The following RAB4A variants were observed in gnomAD, a reference collection of about 807,000 sequenced individuals.
The protein encoded by RAB4A is RAB4A, member RAS oncogene family, also known as ras-related protein Rab-4A.
In RAB4A, 20 loss-of-function variants were observed where a neutral mutation model predicts 34.5. The observed-to-expected ratio is 0.58, with a 90% confidence interval of 0.41 to 0.84. The LOEUF (loss-of-function observed/expected upper bound fraction) is 0.84. Ranked by LOEUF, RAB4A falls within the 40% of genes least tolerant of loss-of-function variation. RAB4A has a pLI of 0.00. For synonymous variants in RAB4A, 102 were observed against 100.0 expected (o/e 1.02, Z -0.12); for missense variants, 228 against 274.5 (o/e 0.83, Z 1.20).
Position 229,302,257 on chromosome 1 carries a change from TTATATATATATATATATA to T in RAB4A, c.542-569_542-552del, listed in dbSNP as rs58013219. On this transcript the variant is annotated intron_variant, in intron 6 of 7. Coordinates refer to ENST00000366690, the MANE Select transcript of RAB4A (RefSeq NM_004578.4). ...TTATAAGTAATGTTACAGTAAATAA[TTATATATATATATATATA>T]TATATATATATATATATATATATAT... is the stretch of plus-strand genomic sequence containing the variant. 8.3e-4 allele frequency among the ~76,000 whole-genome samples: 37 copies of T among 44,328 alleles called. No homozygotes were observed. The East Asian group carries it at 0.012, about 15-fold the overall frequency. 29.1% of individuals were successfully genotyped at this position (44,328 alleles called of 152,430 possible).
At chr1:229,296,221 A>G (rs919084627) in intron 4 of RAB4A, among the ~76,000 whole-genome samples, 2 of 152,226 alleles carry the variant, frequency 1.3e-5, no homozygotes, top group African/African-American at 4.8e-5. Context: ...AGCTTTATGT[A>G]TGGAAAGTTA....
chr1:229,288,232 A>G (rs891682166), intron 2 of RAB4A, among the ~76,000 whole-genome samples: 3 of 151,744 alleles, frequency 2.0e-5, no homozygotes, highest in Non-Finnish European at 2.9e-5. Context: ...TCTTTGGTTC[A>G]ATTTTTTTCC....
intron 6 of RAB4A, among the ~76,000 whole-genome samples, chr1:229,302,309 A>ATATTTTTTTTT (rs1657431515): frequency 2.8e-5 from 1 of 35,900 alleles, no homozygotes; most frequent in African/African-American, 8.1e-5. Flanking sequence ...ATATATATAT[A>ATATTTTTTTTT]TTTTTTTTTT....
intron 1 of RAB4A, among the ~76,000 whole-genome samples, chr1:229,282,771 A>G (rs759412377): frequency 9.2e-5 from 14 of 152,026 alleles, no homozygotes; most frequent in African/African-American, 2.9e-4. Context: ...TAAAATTTCT[A>G]TTTGGTTCTT....
At chr1:229,288,206 T>G (rs1558237542) in intron 2 of RAB4A, among the ~76,000 whole-genome samples, 1 of 152,154 alleles carries the variant, frequency 6.6e-6, no homozygotes, top group Non-Finnish European at 1.5e-5. Flanking sequence ...TTTGGGGTTT[T>G]TTGGAGGGTG....
chr1:229,284,602 C>G (rs1656875488), intron 1 of RAB4A, among the ~76,000 whole-genome samples: 1 of 152,162 alleles, frequency 6.6e-6, no homozygotes, highest in Admixed American at 6.5e-5. Context: ...ATCAAGACAC[C>G]TAGTTTCTTT....
chr1:229,298,827 A>T (rs367618274), intron 5 of RAB4A, 150 bp from the exon 6 acceptor site: 9 of 624,650 alleles, frequency 1.4e-5, no homozygotes, highest in African/African-American at 5.7e-5. Context: ...ATAATGACAT[A>T]TATTGATTTT....
chr1:229,292,433 T>C (rs554210230), intron 3 of RAB4A, among the ~76,000 whole-genome samples: 1 of 152,276 alleles, frequency 6.6e-6, no homozygotes, highest in South Asian at 2.1e-4. Flanking sequence ...AGAAGCTAGG[T>C]GCCTGCTGAG....
At chr1:229,297,064 A>G (rs751199474) in intron 4 of RAB4A, among the ~76,000 whole-genome samples, 2 of 152,224 alleles carry the variant, frequency 1.3e-5, no homozygotes, top group Non-Finnish European at 2.9e-5. Flanking sequence ...GAATCTTTAT[A>G]AAGAATCAAT....
intron 3 of RAB4A, among the ~76,000 whole-genome samples, chr1:229,294,837 CAGTT>C (rs869102409): frequency 6.6e-6 from 1 of 152,066 alleles, no homozygotes; most frequent in African/African-American, 2.4e-5. Context: ...TCAAAAAAGA[CAGTT>C]GGATGTGGAG....
Position 229,300,988 on chromosome 1 carries a change from G to A in RAB4A, c.542-1874G>A, listed in dbSNP as rs541521214. On this transcript the variant is annotated intron_variant, in intron 6 of 7. Transcript: ENST00000366690. ...CCCTAATTATAAGCAAATCAAAGGA[G>A]TGTTCATTATGTAATGTAATAGTAA... 1.0e-3 allele frequency among the ~76,000 whole-genome samples: 156 copies of A among 152,250 alleles called. 4 individuals are homozygous for A. In the South Asian group the frequency reaches 0.03, roughly 29 times the overall value.
At chr1:229,290,731 T>A (rs1409554240) in intron 3 of RAB4A, among the ~76,000 whole-genome samples, 1 of 152,132 alleles carries the variant, frequency 6.6e-6, no homozygotes, top group Non-Finnish European at 1.5e-5. Context: ...TTGGAGTATG[T>A]AATAGAAACA....
intron 1 of RAB4A, among the ~76,000 whole-genome samples, chr1:229,284,015 G>T (rs1032035999): frequency 2.0e-5 from 3 of 151,188 alleles, no homozygotes; most frequent in Non-Finnish European, 4.4e-5. Flanking sequence ...GGAATTACAG[G>T]CATGAGCCAC....
At position 229,305,274 on chromosome 1, in the gene RAB4A, A is replaced by G. The variant is rs745441714; in HGVS notation, c.*1481A>G. ...CTACTTCTTAGACCTCACTGTAAGA[A>G]TATTTTATTCAATGTCTCATTTATG... On this transcript the variant is annotated 3_prime_UTR_variant, in exon 8 of 8. Coordinates refer to ENST00000366690, the MANE Select transcript of RAB4A (RefSeq NM_004578.4). 1.9e-6 allele frequency: 3 copies of G among 1,595,170 alleles called. No homozygotes were observed. Among genetic ancestry groups the G allele is most frequent in the Non-Finnish European group, 2.6e-6 (3 of 1,174,460 alleles).
intron 3 of RAB4A, 55 bp from the exon 4 acceptor site, chr1:229,295,793 G>T: frequency 6.4e-7 from 1 of 1,565,276 alleles, no homozygotes; most frequent in South Asian, 1.1e-5. Context: ...TGGGAAAGTG[G>T]GATACAGTAA....
At chr1:229,284,288 C>T (rs1438632852) in intron 1 of RAB4A, among the ~76,000 whole-genome samples, 4 of 151,404 alleles carry the variant, frequency 2.6e-5, no homozygotes, top group African/African-American at 7.3e-5. Context: ...TTAGTAGAGA[C>T]GGGGGTTTCG....
At chr1:229,274,421 A>G (rs1336886931) in intron 1 of RAB4A, among the ~76,000 whole-genome samples, 1 of 152,086 alleles carries the variant, frequency 6.6e-6, no homozygotes, top group Non-Finnish European at 1.5e-5. Context: ...TATGCTTTTT[A>G]ACATATTAAA....
intron 1 of RAB4A, among the ~76,000 whole-genome samples, chr1:229,278,566 G>A (rs1444807297): frequency 2.6e-5 from 4 of 152,146 alleles, no homozygotes; most frequent in African/African-American, 9.7e-5. Context: ...TGTTGTCTCA[G>A]AAGGTCTCTG....
chr1:229,296,308 C>G (rs2102852496), intron 4 of RAB4A, among the ~76,000 whole-genome samples: 1 of 152,326 alleles, frequency 6.6e-6, no homozygotes, highest in South Asian at 2.1e-4. Context: ...GTTGCAGTCA[C>G]TAGCTGATTG....
Sources: gnomAD v4.1 joint callset for allele counts (sites outside exome capture counted in the v4.1 genomes callset) on GRCh38, gnomAD v4.1.1 for gene constraint, MANE v1.5 for transcripts, NCBI Gene and HGNC (gene_info 2026-07-23, HGNC 2026-07-21) for gene names.